Variants in ADAMTS9 observed in about 807,000 individuals in gnomAD.
The protein encoded by ADAMTS9 is ADAM metallopeptidase with thrombospondin type 1 motif 9.
Under a neutral mutation model 257.1 loss-of-function variants are expected in ADAMTS9, and 107 were observed. The observed-to-expected ratio is 0.42, with a 90% CI of 0.36 to 0.49. The LOEUF (loss-of-function observed/expected upper bound fraction) is 0.49, where lower values mean the gene tolerates loss of function less well. Ranked by LOEUF, ADAMTS9 falls within the 20% of genes least tolerant of loss-of-function variation. ADAMTS9 has a pLI of 0.03. For synonymous variants in ADAMTS9, 982 were observed against 880.9 expected (o/e 1.11, Z -2.03); for missense variants, 2,353 against 2,469.1 (o/e 0.95, Z 1.00).
At chr3:64,608,258 C>CAAAAAAA (rs57247914) in intron 22 of ADAMTS9, among the ~76,000 whole-genome samples, 159 of 52,988 alleles carry the variant, frequency 3.0e-3, no homozygotes, top group Non-Finnish European at 3.9e-3. Context: ...AAACTAAAAC[C>CAAAAAAA]AAAAAAAAAA....
In ADAMTS9 at chr3:64,681,181, C is replaced by T; in HGVS notation, c.679+20G>A. ...CCATCTCAAAGAGCTGGGCTCTCCGCTTAAGCAAGAAGCAAATACCTGAGG... is the reference window on the plus strand; with the variant it reads ...CCATCTCAAAGAGCTGGGCTCTCCGTTTAAGCAAGAAGCAAATACCTGAGG... On this transcript the variant is annotated intron_variant, in intron 3 of 39. Transcript: ENST00000498707. 1 of 1,606,410 alleles carries T rather than the reference C, an allele frequency of 6.2e-7. No individual in the cohort carries two copies. Among genetic ancestry groups the T allele is most frequent in the Non-Finnish European group, 8.5e-7 (1 of 1,177,284 alleles).
intron 38 of ADAMTS9, among the ~76,000 whole-genome samples, chr3:64,528,581 G>A (rs1575980786): frequency 6.6e-6 from 1 of 152,164 alleles, no homozygotes; most frequent in Non-Finnish European, 1.5e-5. Flanking sequence ...TGGCAGCCAT[G>A]TGGACAGGCT....
intron 8 of ADAMTS9, among the ~76,000 whole-genome samples, chr3:64,653,902 T>G (rs1700993162): frequency 6.6e-6 from 1 of 152,200 alleles, no homozygotes; most frequent in Non-Finnish European, 1.5e-5. Context: ...ATATCAGAAT[T>G]AGAGCAGTGT....
At chr3:64,520,253 C>G (rs1042111039) in intron 39 of ADAMTS9, among the ~76,000 whole-genome samples, 4 of 152,074 alleles carry the variant, frequency 2.6e-5, no homozygotes, top group Non-Finnish European at 1.5e-5. Context: ...TAAAAGAGCT[C>G]TACAAGGAGA....
chr3:64,546,837 G>A lies in ADAMTS9; in HGVS notation c.4985C>T (p.Thr1662Met), dbSNP rs143180629. 43 of 1,614,020 alleles carry A rather than the reference G, an allele frequency of 2.7e-5. No homozygotes were observed. In the African/African-American group the frequency reaches 4.4e-4, roughly 17 times the overall value. Reference protein sequence around the residue: ...SYQTTINCPGTQPPSVHPCYL... With the variant: ...SYQTTINCPGMQPPSVHPCYL... ...ACAGGGGTGAACACTGGGGGGCTGCGTGCCTGGGCAGTTGATGGTGGTTTG... is the reference window on the plus strand; with the variant it reads ...ACAGGGGTGAACACTGGGGGGCTGCATGCCTGGGCAGTTGATGGTGGTTTG... Residue 1662 changes from threonine to methionine, a missense_variant, in exon 32 of 40, where the codon ACG (threonine) becomes ATG (methionine). Physicochemically the swap from Thr to Met is moderately conservative, Grantham distance 81. This residue lies in a region of ADAMTS9 where 1,402 missense variants were observed against 1,441.4 expected (regional missense o/e 0.97). Transcript: ENST00000498707.
intron 13 of ADAMTS9, 45 bp from the exon 14 acceptor site, chr3:64,633,653 A>T (rs1176705212): frequency 2.5e-6 from 4 of 1,613,974 alleles, no homozygotes; most frequent in Non-Finnish European, 3.4e-6. Flanking sequence ...GCCTGGCCTC[A>T]GTGCCGGCCG....
chr3:64,664,851 G>A (rs1004817537), intron 3 of ADAMTS9, among the ~76,000 whole-genome samples: 2 of 152,158 alleles, frequency 1.3e-5, no homozygotes, highest in African/African-American at 4.8e-5. Context: ...CTGCCAAATT[G>A]TTTTCCAAAG....
Position 64,568,357 on chromosome 3 carries a change from G to A in ADAMTS9, c.4524+11C>T. On this transcript the variant is annotated intron_variant, in intron 29 of 39. Transcript: ENST00000498707. ...TAAGGAAGCAGTCAGTAGAGGAGAAGCATTGCTCACCTGACTCCAAGCGCC... is the reference window on the plus strand; with the variant it reads ...TAAGGAAGCAGTCAGTAGAGGAGAAACATTGCTCACCTGACTCCAAGCGCC... 1.9e-6 allele frequency: 3 copies of A among 1,605,058 alleles called. No homozygotes were observed. Among genetic ancestry groups the A allele is most frequent in the Non-Finnish European group, 1.7e-6 (2 of 1,177,172 alleles).
chr3:64,633,436 G>A, intron 14 of ADAMTS9, 36 bp downstream of exon 14: 1 of 1,611,388 alleles, frequency 6.2e-7, no homozygotes. Context: ...TTGGCAGCGG[G>A]AAAACACAGT....
intron 29 of ADAMTS9, among the ~76,000 whole-genome samples, chr3:64,564,347 T>C (rs1188926064): frequency 2.0e-5 from 3 of 152,228 alleles, no homozygotes; most frequent in Admixed American, 6.5e-5. Context: ...CATTGAACTT[T>C]TGATGTTTAG....
intron 26 of ADAMTS9, among the ~76,000 whole-genome samples, chr3:64,598,193 G>A (rs1055090549): frequency 6.6e-6 from 1 of 152,200 alleles, no homozygotes; most frequent in South Asian, 2.1e-4. Context: ...TTAATGTAGA[G>A]CTGGATAATA....
At chr3:64,517,416 G>GTTTT (rs755480110) in intron 39 of ADAMTS9, among the ~76,000 whole-genome samples, 612 of 52,630 alleles carry the variant, frequency 0.012, 136 homozygotes, top group East Asian at 0.073. Flanking sequence ...ATTAAAAATG[G>GTTTT]TTTTTTTTTT....
chr3:64,550,715 A>G (rs1009682422), intron 31 of ADAMTS9, 177 bp downstream of exon 31: 9 of 697,050 alleles, frequency 1.3e-5, no homozygotes, highest in East Asian at 1.1e-4. Flanking sequence ...CGCTTTGCAT[A>G]CAAGGAATTC....
chr3:64,570,805 C>G (rs1215061611), intron 28 of ADAMTS9, among the ~76,000 whole-genome samples: 3 of 146,636 alleles, frequency 2.0e-5, no homozygotes, highest in Non-Finnish European at 4.5e-5. Context: ...TTTCAGGTTT[C>G]TGGTTTGGGC....
chr3:64,523,812 C>T (rs2082879154), intron 38 of ADAMTS9, among the ~76,000 whole-genome samples: 1 of 152,132 alleles, frequency 6.6e-6, no homozygotes, highest in Admixed American at 6.5e-5. Flanking sequence ...AATTTGATGG[C>T]TTAGCAGTGG....
At chr3:64,551,232 T>C (rs1480666570) in intron 30 of ADAMTS9, among the ~76,000 whole-genome samples, 170 bp from the exon 31 acceptor site, 2 of 152,122 alleles carry the variant, frequency 1.3e-5, no homozygotes, top group South Asian at 2.1e-4. Context: ...TTTTTTGAGA[T>C]GGAGTCTTGC....
intron 28 of ADAMTS9, among the ~76,000 whole-genome samples, chr3:64,573,587 A>C (rs2106706599): frequency 6.6e-6 from 1 of 152,326 alleles, no homozygotes; most frequent in South Asian, 2.1e-4. Context: ...ATAACATCTA[A>C]ATCACTTCAT....
At chr3:64,559,376 T>A (rs534317790) in intron 30 of ADAMTS9, among the ~76,000 whole-genome samples, 5 of 152,152 alleles carry the variant, frequency 3.3e-5, no homozygotes, top group Non-Finnish European at 5.9e-5. Flanking sequence ...AGGAATATCA[T>A]AGGAGATACT....
In ADAMTS9 at chr3:64,654,385, T is replaced by A; in HGVS notation, c.1284A>T (p.Thr428=). 1 of 1,614,132 alleles carries A rather than the reference T, an allele frequency of 6.2e-7. No homozygotes were observed. Among genetic ancestry groups the A allele is most frequent in the Non-Finnish European group, 8.5e-7 (1 of 1,179,994 alleles). ...CSISEDSGLS[T]AFTIAHELGH... Reference sequence around the variant, plus strand: ...CCAGCTCATGGGCGATCGTAAAAGCTGTACTCAATCCACTATCTTCACTAA... The same window carrying A: ...CCAGCTCATGGGCGATCGTAAAAGCAGTACTCAATCCACTATCTTCACTAA... The change falls in exon 8 of 40, where the codon ACA becomes ACT. Residue 428 remains threonine (T), a synonymous_variant. Coordinates refer to ENST00000498707, the MANE Select transcript of ADAMTS9 (RefSeq NM_182920.2).
Sources: allele counts gnomAD v4.1 joint callset (sites outside exome capture counted in the v4.1 genomes callset), GRCh38; gene constraint gnomAD v4.1.1; regional missense constraint gnomAD v4.1.1; transcripts MANE v1.5; gene names NCBI Gene and HGNC (gene_info 2026-07-23, HGNC 2026-07-21).